PCDH7: variants seen among roughly 807,000 people sequenced by gnomAD.
The protein encoded by PCDH7 is protocadherin-7.
A neutral mutation model predicts 58.9 loss-of-function variants in PCDH7; 17 were observed. That is an observed-to-expected ratio of 0.29 (90% CI 0.20 to 0.43). The LOEUF is 0.43. Among genes scored for constraint, PCDH7 ranks in the 20% least tolerant of loss-of-function variants. The pLI is 1.00. For missense variants in PCDH7, 1,274 were observed against 1,441.0 expected (o/e 0.88, Z 1.88); for synonymous variants, 664 against 616.4 (o/e 1.08, Z -1.14).
intron 1 of PCDH7, among the ~76,000 whole-genome samples, chr4:30,787,554 A>G (rs1251611338): frequency 1.3e-5 from 2 of 152,080 alleles, no homozygotes; most frequent in Non-Finnish European, 2.9e-5. Context: ...GGGGTTAACT[A>G]TGTAAGTGTT....
At chr4:31,002,570 G>A (rs1269794705) in intron 3 of PCDH7, among the ~76,000 whole-genome samples, 10 of 152,190 alleles carry the variant, frequency 6.6e-5, no homozygotes. Context: ...GAATGGAGAT[G>A]TAATCCCAGA....
chr4:31,036,252 C>T (rs908734374), intron 3 of PCDH7, among the ~76,000 whole-genome samples: 5 of 152,132 alleles, frequency 3.3e-5, no homozygotes, highest in Admixed American at 3.3e-4. Flanking sequence ...GTGGTGCAAT[C>T]TCAGCTCACT....
At chr4:30,883,545 A>G (rs879571729) in intron 1 of PCDH7, among the ~76,000 whole-genome samples, 2 of 152,200 alleles carry the variant, frequency 1.3e-5, no homozygotes, top group Non-Finnish European at 2.9e-5. Flanking sequence ...TACAATTTCC[A>G]TGGCAACCCC....
intron 1 of PCDH7, among the ~76,000 whole-genome samples, chr4:30,796,236 CAA>C (rs1398545846): frequency 6.6e-6 from 1 of 152,108 alleles, no homozygotes; most frequent in Non-Finnish European, 1.5e-5. Context: ...ACTGGTTTTT[CAA>C]AGATATATTA....
chr4:31,114,074 T>A (rs1716688387), intron 3 of PCDH7, among the ~76,000 whole-genome samples: 1 of 152,090 alleles, frequency 6.6e-6, no homozygotes, highest in Non-Finnish European at 1.5e-5. Flanking sequence ...CCTCAGGTGA[T>A]CCACCCGCCT....
intron 1 of PCDH7, among the ~76,000 whole-genome samples, chr4:30,830,592 A>C (rs1560414504): frequency 6.6e-6 from 1 of 151,322 alleles, no homozygotes; most frequent in Non-Finnish European, 1.5e-5. Flanking sequence ...GTTTTTCTTC[A>C]TTTATCTTGA....
chr4:30,951,416 A>G (rs1271244071), intron 3 of PCDH7, among the ~76,000 whole-genome samples: 1 of 152,146 alleles, frequency 6.6e-6, no homozygotes, highest in Non-Finnish European at 1.5e-5. Context: ...ATCATTGAGT[A>G]TCTTTCATGA....
chr4:31,056,482 A>AAAGAAAGG (rs1757217812), intron 3 of PCDH7, among the ~76,000 whole-genome samples: 1 of 145,342 alleles, frequency 6.9e-6, no homozygotes, highest in Non-Finnish European at 1.5e-5. Context: ...AGAAAGAAAG[A>AAAGAAAGG]AAGAAAGAAA....
intron 2 of PCDH7, among the ~76,000 whole-genome samples, chr4:30,932,440 C>A (rs1744760094): frequency 6.6e-6 from 1 of 152,098 alleles, no homozygotes; most frequent in African/African-American, 2.4e-5. Context: ...TTTATTATTT[C>A]TTTGTGTTCA....
At chr4:30,809,043 G>A (rs978545861) in intron 1 of PCDH7, among the ~76,000 whole-genome samples, 1 of 152,118 alleles carries the variant, frequency 6.6e-6, no homozygotes. Context: ...TTGTATTTGT[G>A]TCACTCTTGA....
intron 3 of PCDH7, among the ~76,000 whole-genome samples, chr4:31,052,745 G>T (rs1265227936): frequency 6.6e-6 from 1 of 152,144 alleles, no homozygotes; most frequent in East Asian, 1.9e-4. Flanking sequence ...AGCTGCTGCT[G>T]ATGCCAGCAT....
chr4:30,961,604 A>G (rs1179559895), intron 3 of PCDH7, among the ~76,000 whole-genome samples: 1 of 152,168 alleles, frequency 6.6e-6, no homozygotes, highest in African/African-American at 2.4e-5. Flanking sequence ...TCATAGTTTG[A>G]TTATAATCAA....
intron 1 of PCDH7, among the ~76,000 whole-genome samples, chr4:30,893,616 A>C (rs1738899586): frequency 6.6e-6 from 1 of 152,088 alleles, no homozygotes; most frequent in Non-Finnish European, 1.5e-5. Context: ...GTGAGGTCTG[A>C]AAGATTTTAT....
At chr4:30,852,899 G>T (rs184227405) in intron 1 of PCDH7, among the ~76,000 whole-genome samples, 1 of 150,052 alleles carries the variant, frequency 6.7e-6, no homozygotes, top group East Asian at 2.0e-4. Flanking sequence ...GAACAGCAGA[G>T]AATTCCTTGT....
chr4:30,744,499 C>T (rs1203235594), intron 1 of PCDH7, among the ~76,000 whole-genome samples: 1 of 152,152 alleles, frequency 6.6e-6, no homozygotes, highest in African/African-American at 2.4e-5. Flanking sequence ...TTCCATTACA[C>T]TAGTAGTATG....
chr4:30,777,488 A>G lies in PCDH7; in HGVS notation c.70+52892A>G, dbSNP rs139755622. Among the ~76,000 whole-genome samples, 770 of 152,264 alleles carry G rather than the reference A, an allele frequency of 5.1e-3. 11 individuals carry two copies. The highest frequency in any genetic ancestry group is 0.018 in the African/African-American group (737 of 41,574). Reference sequence around the variant, plus strand: ...CATTGCTGATTATCATTTACGTCCTATGAATATTATGTAAAGTGCTTTAGA... The same window carrying G: ...CATTGCTGATTATCATTTACGTCCTGTGAATATTATGTAAAGTGCTTTAGA... On this transcript the variant is annotated intron_variant, in intron 1 of 3. Transcript: ENST00000509759.
chr4:30,824,095 CTTTCTTTCTTTCTT>C (rs1417459153), intron 1 of PCDH7, among the ~76,000 whole-genome samples: 4 of 90,092 alleles, frequency 4.4e-5, no homozygotes, highest in African/African-American at 1.8e-4. Flanking sequence ...TTCTTTCTTT[CTTTCTTTCTTTCTT>C]TCTTTCTTTC....
chr4:31,083,164 A>G (rs1711833088), intron 3 of PCDH7, among the ~76,000 whole-genome samples: 3 of 152,016 alleles, frequency 2.0e-5, no homozygotes, highest in Non-Finnish European at 4.4e-5. Context: ...AATGTACACT[A>G]CTCAGGGGGC....
chr4:30,832,402 T>G lies in PCDH7; in HGVS notation c.71-87751T>G, dbSNP rs1729916729. 2.6e-5 allele frequency among the ~76,000 whole-genome samples: 4 copies of G among 152,226 alleles called. No individual in the cohort carries two copies. The South Asian group carries it at 6.2e-4, about 24-fold the overall frequency. On this transcript the variant is annotated intron_variant, in intron 1 of 3. Coordinates refer to the PCDH7 transcript ENST00000509759. ...GTATATTCTGAAACTAAATATCTTG[T>G]AAGCATCGACAGATTTTTGAATAAT... is the stretch of plus-strand genomic sequence containing the variant.
Sources: gnomAD v4.1 joint callset for allele counts (sites outside exome capture counted in the v4.1 genomes callset) on GRCh38, gnomAD v4.1.1 for gene constraint, MANE v1.5 for transcripts, NCBI Gene and HGNC (gene_info 2026-07-23, HGNC 2026-07-21) for gene names.